PSPC1: variants seen among roughly 807,000 people sequenced by gnomAD.
The protein encoded by PSPC1 is paraspeckle component 1.
In PSPC1, 14 loss-of-function variants were observed where a neutral mutation model predicts 51.6. The ratio of observed to expected loss-of-function variants is 0.27; its 90% CI spans 0.18 to 0.42. PSPC1 has a LOEUF of 0.42. Among genes scored for constraint, PSPC1 ranks in the 10% least tolerant of loss-of-function variants. PSPC1 has a pLI of 1.00. For synonymous variants in PSPC1, 193 were observed against 231.9 expected, an observed-to-expected ratio of 0.83 and a Z score of 1.53; for missense variants, 406 against 701.1, an observed-to-expected ratio of 0.58 and a Z score of 4.75.
intron 6 of PSPC1, among the ~76,000 whole-genome samples, chr13:19,695,330 A>G (rs1879075693): frequency 6.6e-6 from 1 of 152,238 alleles, no homozygotes; most frequent in Non-Finnish European, 1.5e-5. Context: ...AGTACATTCT[A>G]TTGCAAAGCA....
chr13:19,750,619 T>C (rs1383617966), intron 4 of PSPC1, among the ~76,000 whole-genome samples: 2 of 152,078 alleles, frequency 1.3e-5, no homozygotes, highest in African/African-American at 4.8e-5. Context: ...CAAATTCTTC[T>C]CATCAAACAA....
chr13:19,671,713 A>G (rs1476924278), downstream of PSPC1: 3 of 825,752 alleles, frequency 3.6e-6, no homozygotes, highest in East Asian at 7.3e-5. Flanking sequence ...ATGTAAATTG[A>G]TAAGCAACTT....
chr13:19,771,328 A>C (rs1888605889), intron 2 of PSPC1, among the ~76,000 whole-genome samples: 1 of 151,880 alleles, frequency 6.6e-6, no homozygotes, highest in Non-Finnish European at 1.5e-5. Context: ...TAGTAGAGAC[A>C]GGGTTTCGCC....
chr13:19,734,528 G>A (rs776829316), intron 5 of PSPC1, among the ~76,000 whole-genome samples: 6 of 152,138 alleles, frequency 3.9e-5, no homozygotes, highest in East Asian at 1.9e-4. Flanking sequence ...GGGGCCAGGC[G>A]CACTGGCTCA....
At chr13:19,769,351 C>T (rs1888393368) in intron 2 of PSPC1, among the ~76,000 whole-genome samples, 1 of 151,912 alleles carries the variant, frequency 6.6e-6, no homozygotes, top group South Asian at 2.1e-4. Context: ...GTCAGGAGAT[C>T]AAGACCATCC....
chr13:19,768,630 A>T (rs1406660712), intron 2 of PSPC1, among the ~76,000 whole-genome samples: 3 of 150,988 alleles, frequency 2.0e-5, no homozygotes, highest in African/African-American at 7.4e-5. Context: ...GCTGGGCAAC[A>T]GAGCAAGACT....
chr13:19,679,547 A>G (rs566492891), intron 6 of PSPC1, among the ~76,000 whole-genome samples: 2 of 152,346 alleles, frequency 1.3e-5, no homozygotes, highest in Non-Finnish European at 2.9e-5. Context: ...GGTTGTGTCT[A>G]TACTGAACAT....
chr13:19,673,799 A>G (rs1876314150), downstream of PSPC1, among the ~76,000 whole-genome samples: 2 of 152,248 alleles, frequency 1.3e-5, no homozygotes, highest in South Asian at 4.1e-4. Flanking sequence ...AGCCTGAGCA[A>G]TGATCCCTCT....
chr13:19,674,381 A>G (rs1207027566), downstream of PSPC1, among the ~76,000 whole-genome samples: 1 of 152,208 alleles, frequency 6.6e-6, no homozygotes, highest in Non-Finnish European at 1.5e-5. Context: ...TAAATCCTGT[A>G]TTGATTCTTA....
At chr13:19,757,700 T>C (rs1234415558) in intron 3 of PSPC1, among the ~76,000 whole-genome samples, 1 of 152,174 alleles carries the variant, frequency 6.6e-6, no homozygotes. Flanking sequence ...AAAAACTCTG[T>C]AACAGGGCCT....
At chr13:19,772,973 C>T (rs1194317432) in intron 1 of PSPC1, among the ~76,000 whole-genome samples, 1 of 151,928 alleles carries the variant, frequency 6.6e-6, no homozygotes, top group Non-Finnish European at 1.5e-5. Context: ...ACCAGCCTGG[C>T]CAACAGGGTG....
chr13:19,778,918 G>A (rs1210379262), intron 1 of PSPC1, among the ~76,000 whole-genome samples: 4 of 126,570 alleles, frequency 3.2e-5, no homozygotes, highest in African/African-American at 1.1e-4. Flanking sequence ...TCCCATCTAG[G>A]AAGTGAGGAG....
chr13:19,774,824 A>G lies in PSPC1; in HGVS notation c.373-2281T>C, dbSNP rs1441543689. On this transcript the variant is annotated intron_variant, in intron 1 of 8. Transcript: ENST00000338910. Reference sequence around the variant, plus strand: ...TGTGTCCAAAAAAAAAAAAACAAAAAAAAAAAAGAAAAAGAAAAAGAAAGA... The same window carrying G: ...TGTGTCCAAAAAAAAAAAAACAAAAGAAAAAAAGAAAAAGAAAAAGAAAGA... Among the ~76,000 whole-genome samples, 15 of 151,022 alleles carry G rather than the reference A, an allele frequency of 9.9e-5. 1 individual carries two copies. The highest frequency in any genetic ancestry group is 8.6e-4 in the Admixed American group (13 of 15,128).
At chr13:19,757,450 G>GA (rs1384795880) in intron 3 of PSPC1, among the ~76,000 whole-genome samples, 2 of 152,002 alleles carry the variant, frequency 1.3e-5, no homozygotes, top group South Asian at 2.1e-4. Flanking sequence ...AGCAGTTACA[G>GA]AAAAAAAGAC....
intron 6 of PSPC1, among the ~76,000 whole-genome samples, chr13:19,681,812 A>G (rs1877297021): frequency 6.6e-6 from 1 of 152,246 alleles, no homozygotes; most frequent in Non-Finnish European, 1.5e-5. Flanking sequence ...GGCACAGACC[A>G]CAACACTGGC....
intron 7 of PSPC1, 127 bp downstream of exon 7, chr13:19,709,415 G>A: frequency 3.2e-6 from 2 of 629,198 alleles, no homozygotes; most frequent in Non-Finnish European, 5.5e-6. Flanking sequence ...ATGGATGTAA[G>A]AGATTTCACC....
At chr13:19,729,689 A>G (rs1196809700) in intron 6 of PSPC1, among the ~76,000 whole-genome samples, 1 of 152,102 alleles carries the variant, frequency 6.6e-6, no homozygotes, top group Non-Finnish European at 1.5e-5. Context: ...ATTAGTTAAG[A>G]TGAAAGAGCT....
Position 19,775,799 on chromosome 13 carries a change from C to T in PSPC1, c.373-3256G>A, listed in dbSNP as rs538236250. On this transcript the variant is annotated intron_variant, in intron 1 of 8. Transcript: ENST00000338910. ...GGCACAGTGGCTCACGCCTGTAATC[C>T]CAACACTTTGGGAGGCCGAGGCAGG... Among the ~76,000 whole-genome samples the T allele has an allele frequency of 5.3e-5, 8 of 152,214 alleles. No homozygotes were observed. The East Asian group carries it at 1.4e-3, about 26-fold the overall frequency.
At chr13:19,772,596 A>T (rs1888721642) in intron 1 of PSPC1, 53 bp from the exon 2 acceptor site, 1 of 1,523,352 alleles carries the variant, frequency 6.6e-7, no homozygotes, top group Admixed American at 2.1e-5. Flanking sequence ...GAAAAAATTC[A>T]AAACAGTGTT....
Sources: gnomAD v4.1 joint callset for allele counts (sites outside exome capture counted in the v4.1 genomes callset) on GRCh38, gnomAD v4.1.1 for gene constraint, MANE v1.5 for transcripts, NCBI Gene and HGNC (gene_info 2026-07-23, HGNC 2026-07-21) for gene names.